The following RELB variants were observed in gnomAD, a reference collection of about 807,000 sequenced individuals.
RELB encodes the protein RELB proto-oncogene, NF-kB subunit.
A neutral mutation model predicts 55.4 loss-of-function variants in RELB; 14 were observed. The ratio of observed to expected loss-of-function variants is 0.25; its 90% CI spans 0.17 to 0.40. RELB has a LOEUF of 0.40. RELB is among the 10% of genes least tolerant of loss of function. RELB has a pLI of 1.00. For missense variants in RELB, 669 were observed against 830.7 expected (o/e 0.81, Z 2.39); for synonymous variants, 409 against 371.3 (o/e 1.10, Z -1.17).
At chr19:45,006,584 C>T (rs1971284729) in intron 2 of RELB, among the ~76,000 whole-genome samples, 1 of 152,088 alleles carries the variant, frequency 6.6e-6, no homozygotes, top group African/African-American at 2.4e-5. Context: ...ATTATTCCCA[C>T]TCTTCAATGC....
At position 45,017,316 on chromosome 19, in the gene RELB, A is replaced by G. The variant is rs540633490; in HGVS notation, c.505-4737A>G. ...AGCAAAAATTCTGGCTTCACTTGCT[A>G]TATCTTCCTTTTTTAAAAAAGAAAA... On this transcript the variant is annotated intron_variant, in intron 4 of 11. Transcript: ENST00000221452. 2.3e-4 allele frequency among the ~76,000 whole-genome samples: 35 copies of G among 152,074 alleles called. No homozygotes were observed. The South Asian group carries it at 7.0e-3, about 31-fold the overall frequency.
intron 5 of RELB, 107 bp downstream of exon 5, chr19:45,022,317 C>T: frequency 1.8e-6 from 2 of 1,110,152 alleles, no homozygotes; most frequent in Non-Finnish European, 2.6e-6. Context: ...GGTAAACCCT[C>T]CCCACTGCCT....
intron 7 of RELB, among the ~76,000 whole-genome samples, chr19:45,027,194 CTG>C (rs1032470893): frequency 3.0e-4 from 45 of 147,822 alleles, no homozygotes; most frequent in African/African-American, 1.1e-3. Flanking sequence ...GATCGCACCA[CTG>C]CACTCCAGCC....
intron 4 of RELB, among the ~76,000 whole-genome samples, chr19:45,017,519 A>G (rs1200892813): frequency 6.6e-6 from 1 of 151,104 alleles, no homozygotes; most frequent in African/African-American, 2.4e-5. Context: ...GTGGGCTCCA[A>G]GTTTTTCCTA....
chr19:45,021,159 C>T (rs1055355700), intron 4 of RELB, among the ~76,000 whole-genome samples: 1 of 151,622 alleles, frequency 6.6e-6, no homozygotes, highest in Non-Finnish European at 1.5e-5. Flanking sequence ...TTAGGTGATA[C>T]AGCGAGACCC....
Position 45,032,535 on chromosome 19 carries a change from G to C in RELB, c.993G>C (p.Glu331Asp), listed in dbSNP as rs773085923. 1 of 1,611,624 alleles carries C rather than the reference G, an allele frequency of 6.2e-7. No homozygotes were observed. Among genetic ancestry groups the C allele is most frequent in the Non-Finnish European group, 8.5e-7 (1 of 1,178,974 alleles). Residue 331 changes from glutamate (E) to aspartate (D), a missense_variant and splice_region_variant, in exon 9 of 12, where the codon GAG (glutamate) becomes GAC (aspartate). Coordinates refer to ENST00000221452, the MANE Select transcript of RELB (RefSeq NM_006509.4). ...CTGATGTCCCCCGTTTCCTGCCAGA[G>C]GACATATCAGTGGTGTTCAGCAGGG... ...LYLLCDKVQK[E>D]DISVVFSRAS... is the part of the protein sequence containing the mutation.
In RELB at chr19:45,022,084, A is replaced by C; in HGVS notation, c.536A>C (p.Glu179Ala). Residue 179 changes from glutamate (E) to alanine (A), a missense_variant, in exon 5 of 12, where the codon GAG becomes GCG. Physicochemically the swap from Glu to Ala is moderately radical, Grantham distance 107. This residue lies in a region of RELB where 323 missense variants were observed against 368.5 expected (regional missense o/e 0.88). Transcript: ENST00000221452. ...GATTGTGGAGGGCTGCGGGAGGTGG[A>C]GGTGACTGCCTGCCTGGTGTGGAAG... ...LRDCGGLREV[E>A]VTACLVWKDW... 6.2e-7 allele frequency: 1 copy of C among 1,612,980 alleles called. No homozygotes were observed. Among genetic ancestry groups the C allele is most frequent in the Non-Finnish European group, 8.5e-7 (1 of 1,179,538 alleles).
chr19:45,008,000 C>CAAAAAAAAAAAA (rs57007961), intron 2 of RELB, among the ~76,000 whole-genome samples: 3 of 63,012 alleles, frequency 4.8e-5, no homozygotes, highest in Non-Finnish European at 5.9e-5. Flanking sequence ...GCTAAAAATA[C>CAAAAAAAAAAAA]AAAAAAAAAA....
At position 45,037,587 on chromosome 19, in the gene RELB, A is replaced by G; in HGVS notation, c.1537A>G (p.Ser513Gly). The G allele has an allele frequency of 6.2e-7, 1 of 1,611,206 alleles. No homozygotes were observed. Among genetic ancestry groups the G allele is most frequent in the Non-Finnish European group, 8.5e-7 (1 of 1,178,830 alleles). The part of the protein sequence containing the change: ...DLLPPAPPHA[S>G]AVVCSGGAGA... ...GCTGCCCCCGGCACCGCCACACGCT[A>G]GCGCTGTTGTGTGCAGCGGAGGTGC... Residue 513 changes from serine to glycine, a missense_variant, in exon 12 of 12, where the codon AGC (serine) becomes GGC (glycine). Ser to Gly is a moderately conservative substitution (Grantham distance 56). Coordinates refer to ENST00000221452, the MANE Select transcript of RELB (RefSeq NM_006509.4).
At chr19:45,003,915 GTTTTTTTTTT>G (rs1039624578) in intron 2 of RELB, among the ~76,000 whole-genome samples, 4 of 63,574 alleles carry the variant, frequency 6.3e-5, no homozygotes, top group Admixed American at 2.6e-4. Context: ...TGTTTTTTGT[GTTTTTTTTTT>G]TTTTTTTTTT....
intron 2 of RELB, chr19:45,003,441 C>G (rs562937643): frequency 2.2e-6 from 1 of 449,258 alleles, no homozygotes; most frequent in East Asian, 5.8e-5. Context: ...CACCACTGCA[C>G]TCCAGCCTGG....
In RELB at chr19:45,037,924, C is replaced by T. The variant is rs1971718885; in HGVS notation, c.*134C>T. On this transcript the variant is annotated 3_prime_UTR_variant, in exon 12 of 12. Coordinates refer to ENST00000221452, the MANE Select transcript of RELB (RefSeq NM_006509.4). ...CTGAAGTGGACATATTCAGCCTTGG[C>T]GAGAAGCTCCGTTGCACGGGTTTCC... The T allele has an allele frequency of 1.4e-5, 12 of 874,208 alleles. No individual in the cohort carries two copies. Among genetic ancestry groups the T allele is most frequent in the Middle Eastern group, 3.7e-4 (1 of 2,682 alleles). 54.2% of individuals were successfully genotyped at this position (874,208 alleles called of 1,614,324 possible).
chr19:45,025,314 C>T lies in RELB; in HGVS notation c.663-15C>T, dbSNP rs1249617665. The T allele has an allele frequency of 5.6e-6, 9 of 1,595,888 alleles. No homozygotes were observed. Among genetic ancestry groups the T allele is most frequent in the Non-Finnish European group, 7.7e-6 (9 of 1,169,222 alleles). On this transcript the variant is annotated splice_polypyrimidine_tract_variant and intron_variant, in intron 5 of 11. Transcript: ENST00000221452. ...GCTCACGAGCACTCCTCTCCCTCCC[C>T]CGTCACCCCCTCAGTTTTAACAACC...
At position 45,017,908 on chromosome 19, in the gene RELB, G is replaced by A. The variant is rs190564032; in HGVS notation, c.505-4145G>A. 7.0e-3 allele frequency among the ~76,000 whole-genome samples: 1,053 copies of A among 150,780 alleles called. 6 individuals are homozygous for A. The highest frequency in any genetic ancestry group is 0.029 in the South Asian group (136 of 4,706). On this transcript the variant is annotated intron_variant, in intron 4 of 11. Coordinates refer to ENST00000221452, the MANE Select transcript of RELB (RefSeq NM_006509.4). ...GATCCACCCGCCTCAGCCTCCCAAAGTGCTGGGATTGCAGGCACGAACCAC... is the reference window on the plus strand; with the variant it reads ...GATCCACCCGCCTCAGCCTCCCAAAATGCTGGGATTGCAGGCACGAACCAC...
chr19:45,027,127 G>A (rs1885781213), intron 7 of RELB, among the ~76,000 whole-genome samples: 1 of 151,864 alleles, frequency 6.6e-6, no homozygotes, highest in South Asian at 2.1e-4. Context: ...CAGCTACTCA[G>A]GAGGCTGAGG....
intron 8 of RELB, among the ~76,000 whole-genome samples, chr19:45,030,973 C>T (rs984932165): frequency 1.3e-5 from 2 of 152,156 alleles, no homozygotes; most frequent in African/African-American, 2.4e-5. Flanking sequence ...CCTTCATTTT[C>T]GTCTTTATAC....
chr19:45,025,791 A>T, intron 7 of RELB, 54 bp downstream of exon 7: 1 of 1,609,370 alleles, frequency 6.2e-7, no homozygotes, highest in Non-Finnish European at 8.5e-7. Flanking sequence ...AGGTGTCAGA[A>T]TGTCCCGCTT....
At position 45,011,488 on chromosome 19, in the gene RELB, A is replaced by G. The variant is rs188258013; in HGVS notation, c.164-448A>G. On this transcript the variant is annotated intron_variant, in intron 3 of 11. Transcript: ENST00000221452. ...ATTATTTATTGAGAGACGGAGTCTC[A>G]CTCTGTCGCCCAGGCTGGCGTGCAG... is the stretch of plus-strand genomic sequence containing the variant. 9.7e-3 allele frequency among the ~76,000 whole-genome samples: 1,426 copies of G among 146,896 alleles called. 30 individuals carry two copies. Among genetic ancestry groups the G allele is most frequent in the African/African-American group, 0.035 (1,366 of 39,566 alleles).
intron 4 of RELB, chr19:45,021,711 A>G (rs1225528810): frequency 1.1e-5 from 2 of 175,850 alleles, no homozygotes; most frequent in Non-Finnish European, 2.4e-5. Flanking sequence ...AGCAGGTGGG[A>G]TTACAGGCAT....
Sources: allele counts gnomAD v4.1 joint callset (sites outside exome capture counted in the v4.1 genomes callset), GRCh38; gene constraint gnomAD v4.1.1; regional missense constraint gnomAD v4.1.1; transcripts MANE v1.5; gene names NCBI Gene and HGNC (gene_info 2026-07-23, HGNC 2026-07-21).